Variants in EYS observed in about 807,000 individuals in gnomAD.
EYS encodes the protein EGF-like photoreceptor maintenance factor, also known as protein eyes shut homolog.
EYS carries 250 observed loss-of-function variants against 282.1 expected under a neutral mutation model. That is an observed-to-expected ratio of 0.89 (90% CI 0.80 to 0.98). EYS has a LOEUF of 0.98. EYS is among the 50% of genes least tolerant of loss of function. EYS has a pLI of 0.00. For synonymous variants in EYS, 1,355 were observed against 1,282.9 expected (o/e 1.06, Z -1.20); for missense variants, 4,016 against 3,709.0 (o/e 1.08, Z -2.15).
chr6:65,211,667 G>A (rs1388412301), intron 12 of EYS, among the ~76,000 whole-genome samples: 1 of 152,010 alleles, frequency 6.6e-6, no homozygotes, highest in Non-Finnish European at 1.5e-5. Context: ...CAGACAGGTA[G>A]AGTATGACTT....
chr6:65,146,845 T>G (rs987302781), intron 12 of EYS, among the ~76,000 whole-genome samples: 1 of 151,984 alleles, frequency 6.6e-6, no homozygotes, highest in South Asian at 2.1e-4. Context: ...TAATTTTTAT[T>G]AATTCCCTAA....
At chr6:65,228,718 A>T (rs929705107) in intron 12 of EYS, among the ~76,000 whole-genome samples, 27 of 152,086 alleles carry the variant, frequency 1.8e-4, no homozygotes, top group Non-Finnish European at 2.9e-4. Context: ...TACGAAAAAA[A>T]TAGTAATACA....
At chr6:65,431,771 G>A (rs1382442008) in intron 5 of EYS, among the ~76,000 whole-genome samples, 1 of 151,916 alleles carries the variant, frequency 6.6e-6, no homozygotes, top group African/African-American at 2.4e-5. Context: ...ATCAAACTAA[G>A]TTTTAAAATG....
At chr6:65,047,203 G>A (rs1420612661) in intron 13 of EYS, among the ~76,000 whole-genome samples, 1 of 151,340 alleles carries the variant, frequency 6.6e-6, no homozygotes, top group Non-Finnish European at 1.5e-5. Flanking sequence ...TTTCTAGTCA[G>A]TCACAGAATA....
At chr6:63,899,970 A>C (rs1042811487) in intron 35 of EYS, among the ~76,000 whole-genome samples, 1 of 152,204 alleles carries the variant, frequency 6.6e-6, no homozygotes, top group African/African-American at 2.4e-5. Flanking sequence ...TAAGTTTGTA[A>C]GAATATTTTT....
At chr6:64,232,644 GC>G (rs993524771) in intron 30 of EYS, among the ~76,000 whole-genome samples, 2 of 151,594 alleles carry the variant, frequency 1.3e-5, no homozygotes, top group Non-Finnish European at 2.9e-5. Context: ...ACCAGCCTCG[GC>G]CCCCCCAGAG....
intron 31 of EYS, among the ~76,000 whole-genome samples, chr6:64,197,663 A>G (rs1275916135): frequency 4.0e-5 from 6 of 151,856 alleles, no homozygotes; most frequent in Middle Eastern, 3.2e-3. Flanking sequence ...TAGAGGTTTT[A>G]TAATGTTCAT....
chr6:64,498,092 G>A (rs574575513), intron 26 of EYS, among the ~76,000 whole-genome samples: 2 of 152,076 alleles, frequency 1.3e-5, no homozygotes, highest in Admixed American at 6.6e-5. Context: ...TTGATTTGTG[G>A]AAGTTTTCTA....
chr6:64,804,327 A>G (rs1456519692), intron 22 of EYS, among the ~76,000 whole-genome samples: 1 of 152,166 alleles, frequency 6.6e-6, no homozygotes, highest in Non-Finnish European at 1.5e-5. Context: ...CTGGACATCA[A>G]TATTTACTTC....
chr6:64,775,857 C>G (rs1773663162), intron 22 of EYS, among the ~76,000 whole-genome samples: 1 of 151,858 alleles, frequency 6.6e-6, no homozygotes, highest in African/African-American at 2.4e-5. Context: ...TTGGTTGAAT[C>G]AAAAATTTAA....
At chr6:65,245,436 T>C (rs1191552334) in intron 12 of EYS, among the ~76,000 whole-genome samples, 1 of 152,152 alleles carries the variant, frequency 6.6e-6, no homozygotes, top group African/African-American at 2.4e-5. Flanking sequence ...CTGTATTTCA[T>C]TCATAATTAT....
At chr6:64,932,130 G>T (rs191561519) in intron 15 of EYS, among the ~76,000 whole-genome samples, 1 of 152,104 alleles carries the variant, frequency 6.6e-6, no homozygotes, top group Admixed American at 6.6e-5. Flanking sequence ...AATCAGCTTC[G>T]TGGTTGTAAA....
intron 30 of EYS, among the ~76,000 whole-genome samples, chr6:64,306,278 C>T (rs1392757878): frequency 6.6e-6 from 1 of 152,116 alleles, no homozygotes; most frequent in Non-Finnish European, 1.5e-5. Context: ...AAGATGTGAG[C>T]TTTTATGCTG....
At chr6:64,974,787 C>A (rs1583348878) in intron 14 of EYS, among the ~76,000 whole-genome samples, 1 of 151,784 alleles carries the variant, frequency 6.6e-6, no homozygotes, top group Non-Finnish European at 1.5e-5. Flanking sequence ...AGAACAAGGA[C>A]TTTTCACGTT....
chr6:65,074,584 A>G (rs1337513529), intron 12 of EYS, among the ~76,000 whole-genome samples: 1 of 152,084 alleles, frequency 6.6e-6, no homozygotes, highest in Non-Finnish European at 1.5e-5. Flanking sequence ...CTAGAAGCAG[A>G]GTGTATGATA....
chr6:65,381,955 A>AT (rs1582217376), intron 8 of EYS, among the ~76,000 whole-genome samples: 1 of 151,758 alleles, frequency 6.6e-6, no homozygotes, highest in Non-Finnish European at 1.5e-5. Context: ...ATTTCTCTCA[A>AT]TTTTTTCCAT....
At chr6:65,379,539 C>T (rs1183168982) in intron 8 of EYS, among the ~76,000 whole-genome samples, 2 of 151,994 alleles carry the variant, frequency 1.3e-5, no homozygotes, top group Admixed American at 6.6e-5. Flanking sequence ...TGAAAGCATT[C>T]CCTTTGAAAA....
intron 15 of EYS, among the ~76,000 whole-genome samples, chr6:64,924,191 C>T (rs1768440344): frequency 6.6e-6 from 1 of 152,194 alleles, no homozygotes; most frequent in Non-Finnish European, 1.5e-5. Context: ...TTCTGTGCCC[C>T]CAGAGGCTCA....
chr6:64,692,982 T>TG (rs1770443766), intron 22 of EYS, among the ~76,000 whole-genome samples: 2 of 64,180 alleles, frequency 3.1e-5, no homozygotes, highest in African/African-American at 9.2e-5. Flanking sequence ...TTGGGCTTTT[T>TG]TTTTTTTTTT....
Sources: gnomAD v4.1 joint callset for allele counts (sites outside exome capture counted in the v4.1 genomes callset) on GRCh38, gnomAD v4.1.1 for gene constraint, MANE v1.5 for transcripts, NCBI Gene and HGNC (gene_info 2026-07-23, HGNC 2026-07-21) for gene names.